Variants in CTNNA2 observed in about 807,000 individuals in gnomAD.
CTNNA2 encodes the protein catenin alpha 2.
CTNNA2 carries 42 observed loss-of-function variants against 101.0 expected under a neutral mutation model. The observed-to-expected ratio is 0.42, with a 90% confidence interval of 0.32 to 0.54. The LOEUF (loss-of-function observed/expected upper bound fraction) is 0.54. Ranked by LOEUF, CTNNA2 falls within the 20% of genes least tolerant of loss-of-function variation. CTNNA2 has a pLI of 0.14. For missense variants in CTNNA2, 871 were observed against 1,223.1 expected, an observed-to-expected ratio of 0.71 and a Z score of 4.29; for synonymous variants, 450 against 456.4, an observed-to-expected ratio of 0.99 and a Z score of 0.18.
chr2:80,515,125 C>T (rs1689009752), intron 9 of CTNNA2, among the ~76,000 whole-genome samples: 1 of 151,684 alleles, frequency 6.6e-6, no homozygotes, highest in African/African-American at 2.4e-5. Flanking sequence ...CTTATGGTAC[C>T]AACAATTTCT....
At chr2:80,230,084 C>T (rs1709108106) in intron 7 of CTNNA2, among the ~76,000 whole-genome samples, 1 of 152,070 alleles carries the variant, frequency 6.6e-6, no homozygotes, top group African/African-American at 2.4e-5. Context: ...GTAGGCTACA[C>T]CATAGAGCCT....
intron 7 of CTNNA2, among the ~76,000 whole-genome samples, chr2:79,981,044 C>G (rs1421053408): frequency 6.6e-6 from 1 of 151,974 alleles, no homozygotes; most frequent in Non-Finnish European, 1.5e-5. Flanking sequence ...ATTTATCAGC[C>G]ACGTATGGAG....
intron 12 of CTNNA2, among the ~76,000 whole-genome samples, chr2:80,563,822 C>G (rs141906446): frequency 6.6e-6 from 1 of 152,302 alleles, no homozygotes; most frequent in African/African-American, 2.4e-5. Flanking sequence ...TCATTTGGAA[C>G]CTACCATATA....
chr2:79,952,525 A>G (rs2104499447), intron 7 of CTNNA2, among the ~76,000 whole-genome samples: 1 of 152,348 alleles, frequency 6.6e-6, no homozygotes, highest in South Asian at 2.1e-4. Flanking sequence ...ATTACATCTC[A>G]ATAGAGTTGT....
chr2:79,837,180 T>G (rs565106957), intron 3 of CTNNA2, among the ~76,000 whole-genome samples: 194 of 152,292 alleles, frequency 1.3e-3, no homozygotes, highest in Non-Finnish European at 2.3e-3. Context: ...GGTCCCACAA[T>G]AGGCCATCTG....
At chr2:79,954,098 G>T (rs1327450226) in intron 7 of CTNNA2, among the ~76,000 whole-genome samples, 1 of 152,130 alleles carries the variant, frequency 6.6e-6, no homozygotes, top group African/African-American at 2.4e-5. Flanking sequence ...GGGGAAGCAA[G>T]GCACCTCCTT....
chr2:80,125,179 C>T (rs569206577), intron 7 of CTNNA2, among the ~76,000 whole-genome samples: 1 of 152,066 alleles, frequency 6.6e-6, no homozygotes, highest in East Asian at 1.9e-4. Context: ...TGTCATTTGG[C>T]CCAAATGACA....
chr2:80,169,779 A>G (rs1328712063), intron 7 of CTNNA2, among the ~76,000 whole-genome samples: 2 of 152,244 alleles, frequency 1.3e-5, no homozygotes, highest in Non-Finnish European at 2.9e-5. Context: ...CATATATAGC[A>G]TTGTAACAGT....
In CTNNA2 at chr2:80,477,453, A is replaced by G. The variant is rs543223468; in HGVS notation, c.1290+57852A>G. Among the ~76,000 whole-genome samples the G allele has an allele frequency of 8.5e-5, 13 of 152,232 alleles. No individual in the cohort carries two copies. The East Asian group carries it at 2.3e-3, about 27-fold the overall frequency. ...CAAAATCTGGGCTTTTAGTGTACCT[A>G]TCTCCAGAATAGTGTACATTGTACC... On this transcript the variant is annotated intron_variant, in intron 9 of 18. Transcript: ENST00000402739.
At chr2:79,341,607 C>G (rs7569369) in intron 3 of CTNNA2, among the ~76,000 whole-genome samples, 1 of 151,982 alleles carries the variant, frequency 6.6e-6, no homozygotes, top group African/African-American at 2.4e-5. Context: ...TAGCAAGCAA[C>G]CTTGGAAGAC....
At chr2:80,548,743 C>T (rs1190825909) in intron 11 of CTNNA2, among the ~76,000 whole-genome samples, 1 of 152,128 alleles carries the variant, frequency 6.6e-6, no homozygotes, top group Non-Finnish European at 1.5e-5. Context: ...AATGATACAG[C>T]CCACTCTGTC....
intron 7 of CTNNA2, among the ~76,000 whole-genome samples, chr2:80,215,916 C>T (rs925228651): frequency 5.3e-5 from 8 of 152,206 alleles, no homozygotes; most frequent in African/African-American, 1.2e-4. Flanking sequence ...CCACCCAATT[C>T]GAGCTTCCTG....
intron 6 of CTNNA2, among the ~76,000 whole-genome samples, chr2:79,877,316 T>G (rs1683101983): frequency 6.6e-6 from 1 of 152,156 alleles, no homozygotes; most frequent in Admixed American, 6.5e-5. Context: ...GCAATTTAAT[T>G]TCAGCACTTT....
At position 79,678,166 on chromosome 2, in the gene CTNNA2, T is replaced by G. The variant is rs549331315; in HGVS notation, c.102+26508T>G. Among the ~76,000 whole-genome samples, 10 of 152,318 alleles carry G rather than the reference T, an allele frequency of 6.6e-5. No homozygotes were observed. The South Asian group carries it at 1.2e-3, about 19-fold the overall frequency. On this transcript the variant is annotated intron_variant, in intron 2 of 18. Transcript: ENST00000402739. ...TCGTGCTTTCCCGTAAATTGCCTGATTATGAGGCAACAGTTCCCAGCTGAT... is the reference window on the plus strand; with the variant it reads ...TCGTGCTTTCCCGTAAATTGCCTGAGTATGAGGCAACAGTTCCCAGCTGAT...
chr2:79,376,437 C>A (rs13404976), intron 4 of CTNNA2, among the ~76,000 whole-genome samples: 18 of 134,206 alleles, frequency 1.3e-4, no homozygotes, highest in Non-Finnish European at 2.4e-4. Context: ...GCCAAAATAG[C>A]CCCTTGTTGG....
At chr2:79,685,118 A>T (rs946023638) in intron 2 of CTNNA2, among the ~76,000 whole-genome samples, 2 of 152,170 alleles carry the variant, frequency 1.3e-5, no homozygotes, top group Non-Finnish European at 2.9e-5. Context: ...CTGTAATTAA[A>T]ATTGCTAATT....
At chr2:79,226,359 A>G (rs1365362216) in intron 2 of CTNNA2, among the ~76,000 whole-genome samples, 1 of 152,120 alleles carries the variant, frequency 6.6e-6, no homozygotes, top group Non-Finnish European at 1.5e-5. Context: ...AGCCCACCCC[A>G]TAGAGATTTT....
At position 79,838,748 on chromosome 2, in the gene CTNNA2, A is replaced by T. The variant is rs554839288; in HGVS notation, c.299-19265A>T. ...GATAGTGGCTTTGGAAAGGTAGAGG[A>T]CTGTGTAGTTATTGAAAATACTGAT... On this transcript the variant is annotated intron_variant, in intron 3 of 18. Coordinates refer to ENST00000402739, the MANE Select transcript of CTNNA2 (RefSeq NM_001282597.3). Among the ~76,000 whole-genome samples, 5 of 152,158 alleles carry T rather than the reference A, an allele frequency of 3.3e-5. No individual in the cohort carries two copies. The East Asian group carries it at 9.7e-4, about 29-fold the overall frequency.
At chr2:80,350,308 G>T (rs1222471188) in intron 7 of CTNNA2, among the ~76,000 whole-genome samples, 1 of 152,134 alleles carries the variant, frequency 6.6e-6, no homozygotes, top group Non-Finnish European at 1.5e-5. Flanking sequence ...GAATGAAATG[G>T]TAAGTTTTAT....
Sources: allele counts gnomAD v4.1 joint callset (sites outside exome capture counted in the v4.1 genomes callset), GRCh38; gene constraint gnomAD v4.1.1; transcripts MANE v1.5; gene names NCBI Gene and HGNC (gene_info 2026-07-23, HGNC 2026-07-21).